The following NWD2 variants were observed in gnomAD, a reference collection of about 807,000 sequenced individuals.
NWD2 encodes the protein NACHT and WD repeat domain-containing protein 2.
In NWD2, 37 loss-of-function variants were observed where a neutral mutation model predicts 132.7. The ratio of observed to expected loss-of-function variants is 0.28; its 90% CI spans 0.21 to 0.37. The LOEUF is 0.37. Among genes scored for constraint, NWD2 ranks in the 10% least tolerant of loss-of-function variants. The pLI is 1.00. For missense variants in NWD2, 1,592 were observed against 2,122.4 expected (o/e 0.75, Z 4.91); for synonymous variants, 705 against 803.0 (o/e 0.88, Z 2.06).
chr4:37,288,213 A>G lies in NWD2; in HGVS notation c.152-37723A>G, dbSNP rs1281166662. Among the ~76,000 whole-genome samples the G allele has an allele frequency of 2.6e-5, 4 of 152,232 alleles. No homozygotes were observed. In the East Asian group the frequency reaches 5.8e-4, roughly 22 times the overall value. ...GGGTCAATAGGTGCAGCAAACCACC[A>G]TGGCACACATATACCTATGTAACAA... On this transcript the variant is annotated intron_variant, in intron 1 of 6. Coordinates refer to ENST00000309447, the MANE Select transcript of NWD2 (RefSeq NM_001144990.2).
chr4:37,320,553 A>T (rs1311433657), intron 1 of NWD2, among the ~76,000 whole-genome samples: 1 of 141,252 alleles, frequency 7.1e-6, no homozygotes, highest in East Asian at 1.9e-4. Context: ...ATGACATAAA[A>T]TTGAGAAGAT....
intron 1 of NWD2, among the ~76,000 whole-genome samples, chr4:37,296,579 G>A (rs1282574091): frequency 2.0e-5 from 3 of 150,814 alleles, no homozygotes; most frequent in East Asian, 1.9e-4. Context: ...TCTAAGTGAA[G>A]TAACACAGGA....
chr4:37,313,313 A>G (rs1470493974), intron 1 of NWD2, among the ~76,000 whole-genome samples: 1 of 150,972 alleles, frequency 6.6e-6, no homozygotes, highest in Non-Finnish European at 1.5e-5. Flanking sequence ...AGATCCTGTT[A>G]TTGGTCTATT....
intron 3 of NWD2, among the ~76,000 whole-genome samples, chr4:37,410,036 C>T (rs1307804435): frequency 6.6e-6 from 1 of 152,196 alleles, no homozygotes; most frequent in Non-Finnish European, 1.5e-5. Context: ...CAACTGGTAC[C>T]AGCCACTGCA....
intron 3 of NWD2, among the ~76,000 whole-genome samples, chr4:37,416,080 T>C (rs1374845408): frequency 6.6e-6 from 1 of 152,122 alleles, no homozygotes; most frequent in African/African-American, 2.4e-5. Context: ...CAGGCAGCAT[T>C]GAAAGAAACC....
intron 2 of NWD2, among the ~76,000 whole-genome samples, chr4:37,334,899 C>G (rs893480017): frequency 3.3e-5 from 5 of 152,154 alleles, no homozygotes; most frequent in African/African-American, 1.2e-4. Flanking sequence ...CTCTACCTCC[C>G]TAAATACTTC....
chr4:37,348,675 T>TATATACATAC (rs1308407988), intron 2 of NWD2, among the ~76,000 whole-genome samples: 1 of 22,572 alleles, frequency 4.4e-5, no homozygotes, highest in Non-Finnish European at 7.6e-5. Context: ...TATATATATA[T>TATATACATAC]ACACACACAC....
chr4:37,298,136 T>C (rs1175921041), intron 1 of NWD2, among the ~76,000 whole-genome samples: 3 of 152,098 alleles, frequency 2.0e-5, no homozygotes, highest in Non-Finnish European at 1.5e-5. Context: ...GATTGGGCGC[T>C]ATCAGAAAAC....
chr4:37,324,122 C>G (rs1719123092), intron 1 of NWD2, among the ~76,000 whole-genome samples: 1 of 152,042 alleles, frequency 6.6e-6, no homozygotes, highest in Non-Finnish European at 1.5e-5. Context: ...ACCCAGGTAA[C>G]AAACCTGCAC....
intron 3 of NWD2, among the ~76,000 whole-genome samples, chr4:37,419,168 A>G (rs1337251844): frequency 6.6e-6 from 1 of 152,214 alleles, no homozygotes; most frequent in Non-Finnish European, 1.5e-5. Flanking sequence ...CCTATTTAAT[A>G]AATGGTGTTG....
rs1356585494 is a variant in NWD2 at position 37,426,695 on chromosome 4, CA to C, written c.358-3876del. ...CAACTTCTGAATTCCTTTGGAACCTCATTTTAAAATGCAGTTTCCTTGGAAT... is the reference window on the plus strand; with the variant it reads ...CAACTTCTGAATTCCTTTGGAACCTCTTTTAAAATGCAGTTTCCTTGGAAT... On this transcript the variant is annotated intron_variant, in intron 3 of 6. Transcript: ENST00000309447. 5.3e-5 allele frequency among the ~76,000 whole-genome samples: 8 copies of C among 152,286 alleles called. No homozygotes were observed. The East Asian group carries it at 1.5e-3, about 29-fold the overall frequency.
rs181132279 is a variant in NWD2, at chr4:37,308,798, G to A, written c.152-17138G>A. On this transcript the variant is annotated intron_variant, in intron 1 of 6. Transcript: ENST00000309447. ...GACACTGGAGTAGGCAAAGTCAAAG[G>A]CAATGGAAGGCCCCAGCAAGCTGGT... is the stretch of plus-strand genomic sequence containing the variant. Among the ~76,000 whole-genome samples the A allele has an allele frequency of 1.2e-3, 185 of 152,170 alleles. 2 individuals are homozygous for A. The highest frequency in any genetic ancestry group is 5.8e-4 in the East Asian group (3 of 5,156).
intron 1 of NWD2, 52 bp downstream of exon 1, chr4:37,245,270 C>T: frequency 6.7e-7 from 1 of 1,492,406 alleles, no homozygotes; most frequent in Non-Finnish European, 8.9e-7. Flanking sequence ...GTCAGCGCTG[C>T]GGGAGCTGGA....
At chr4:37,420,216 T>G (rs1404763069) in intron 3 of NWD2, among the ~76,000 whole-genome samples, 1 of 152,248 alleles carries the variant, frequency 6.6e-6, no homozygotes, top group Non-Finnish European at 1.5e-5. Flanking sequence ...CAGCTCTGTA[T>G]AAATGTCTTG....
chr4:37,278,486 C>T (rs1358577723), intron 1 of NWD2, among the ~76,000 whole-genome samples: 2 of 152,290 alleles, frequency 1.3e-5, no homozygotes, highest in African/African-American at 4.8e-5. Flanking sequence ...TCATATCAAC[C>T]ATACTGGACA....
At chr4:37,327,989 T>C (rs901160825) in intron 2 of NWD2, among the ~76,000 whole-genome samples, 3 of 152,108 alleles carry the variant, frequency 2.0e-5, no homozygotes, top group Non-Finnish European at 4.4e-5. Flanking sequence ...GTCTGGTTCT[T>C]CCCCTGCTTC....
At chr4:37,295,914 C>T (rs954799996) in intron 1 of NWD2, among the ~76,000 whole-genome samples, 12 of 152,162 alleles carry the variant, frequency 7.9e-5, no homozygotes, top group East Asian at 1.9e-4. Context: ...AACATTTGTA[C>T]GTTTGTCCAC....
intron 1 of NWD2, among the ~76,000 whole-genome samples, chr4:37,290,336 T>G (rs1718332801): frequency 6.6e-6 from 1 of 152,284 alleles, no homozygotes; most frequent in East Asian, 1.9e-4. Context: ...GCCACTACTA[T>G]GTAGATAGCC....
At chr4:37,369,124 A>G (rs1234882178) in intron 3 of NWD2, among the ~76,000 whole-genome samples, 1 of 152,186 alleles carries the variant, frequency 6.6e-6, no homozygotes, top group East Asian at 1.9e-4. Context: ...CCATCACACC[A>G]TTATAGATAC....
Sources: allele counts gnomAD v4.1 joint callset (sites outside exome capture counted in the v4.1 genomes callset), GRCh38; gene constraint gnomAD v4.1.1; transcripts MANE v1.5; gene names NCBI Gene and HGNC (gene_info 2026-07-23, HGNC 2026-07-21).